OPCML: variants seen among roughly 807,000 people sequenced by gnomAD.
OPCML encodes the protein opioid binding protein/cell adhesion molecule like.
A neutral mutation model predicts 37.8 loss-of-function variants in OPCML; 13 were observed. The observed-to-expected ratio is 0.34, with a 90% CI of 0.22 to 0.55. OPCML has a LOEUF of 0.55. Among genes scored for constraint, OPCML ranks in the 20% least tolerant of loss-of-function variants. The pLI, the probability that OPCML is intolerant of heterozygous loss-of-function variation, is 0.91. For synonymous variants in OPCML, 176 were observed against 168.8 expected (o/e 1.04, Z -0.33); for missense variants, 341 against 435.6 (o/e 0.78, Z 1.93).
At chr11:132,833,644 G>A (rs547489638) in intron 2 of OPCML, among the ~76,000 whole-genome samples, 2 of 152,298 alleles carry the variant, frequency 1.3e-5, no homozygotes, top group East Asian at 3.9e-4. Flanking sequence ...TCATAAGACT[G>A]GCAGCACAGT....
At chr11:132,508,365 G>A (rs1454217442) in intron 4 of OPCML, among the ~76,000 whole-genome samples, 1 of 152,164 alleles carries the variant, frequency 6.6e-6, no homozygotes, top group South Asian at 2.1e-4. Flanking sequence ...GTATGAGTAT[G>A]TCATGACCAC....
intron 4 of OPCML, among the ~76,000 whole-genome samples, chr11:132,458,347 C>T (rs897571987): frequency 3.3e-5 from 5 of 152,096 alleles, no homozygotes; most frequent in African/African-American, 4.8e-5. Context: ...GTGAACACAC[C>T]CCTGACTAGG....
At chr11:133,033,835 T>C (rs1234317536) in intron 1 of OPCML, among the ~76,000 whole-genome samples, 1 of 152,164 alleles carries the variant, frequency 6.6e-6, no homozygotes, top group African/African-American at 2.4e-5. Flanking sequence ...TGGTCACGGG[T>C]ATCAACTCAC....
chr11:132,520,918 G>T (rs975753653), intron 4 of OPCML, among the ~76,000 whole-genome samples: 1 of 152,116 alleles, frequency 6.6e-6, no homozygotes, highest in African/African-American at 2.4e-5. Context: ...TAATGAGATT[G>T]CTGGGTCAAA....
chr11:132,688,316 G>A (rs1380328018), intron 2 of OPCML, among the ~76,000 whole-genome samples: 2 of 152,084 alleles, frequency 1.3e-5, no homozygotes, highest in Non-Finnish European at 2.9e-5. Context: ...CATGCTCTTT[G>A]AACCGGCAGT....
At chr11:132,625,328 T>G (rs1304973133) in intron 3 of OPCML, among the ~76,000 whole-genome samples, 3 of 152,098 alleles carry the variant, frequency 2.0e-5, no homozygotes, top group Non-Finnish European at 4.4e-5. Context: ...GAGAGGGGTG[T>G]TGTGAAGAGG....
intron 4 of OPCML, among the ~76,000 whole-genome samples, chr11:132,450,400 G>A (rs1404072366): frequency 6.6e-6 from 1 of 152,140 alleles, no homozygotes; most frequent in Non-Finnish European, 1.5e-5. Context: ...AGGTAGTTTG[G>A]AAGAGGCTGC....
In OPCML at chr11:132,937,605, T is replaced by G. The variant is rs867504851; in HGVS notation, c.146+5321A>C. Among the ~76,000 whole-genome samples, 849 of 125,664 alleles carry G rather than the reference T, an allele frequency of 6.8e-3. 15 individuals are homozygous for G. The highest frequency in any genetic ancestry group is 0.045 in the East Asian group (205 of 4,524). The allele number at this position is 125,664 out of a possible 152,430, so 82.4% of individuals were successfully genotyped here. A position where few individuals can be genotyped will look rare whatever the true frequency, so the allele number is the denominator to read the frequency against. On this transcript the variant is annotated intron_variant, in intron 2 of 7. Coordinates refer to ENST00000524381, the MANE Select transcript of OPCML (RefSeq NM_001012393.5). Reference sequence around the variant, plus strand: ...GTGTGGCGTGTGTGGGGTGTGTGTGTGTGTGTGTGTGTGTGTGTGTGTGTG... The same window carrying G: ...GTGTGGCGTGTGTGGGGTGTGTGTGGGTGTGTGTGTGTGTGTGTGTGTGTG...
intron 1 of OPCML, among the ~76,000 whole-genome samples, chr11:133,263,155 T>C (rs1021953112): frequency 6.6e-6 from 1 of 152,044 alleles, no homozygotes; most frequent in Admixed American, 6.6e-5. Flanking sequence ...GAACCCTCAT[T>C]TTTTTCTCTT....
intron 2 of OPCML, among the ~76,000 whole-genome samples, chr11:132,797,552 G>A (rs550781384): frequency 2.2e-4 from 34 of 152,114 alleles, no homozygotes; most frequent in South Asian, 6.2e-4. Flanking sequence ...AAACATTTCC[G>A]TTTTCCAGTG....
At chr11:133,441,053 CTA>C (rs1326708686) in intron 1 of OPCML, among the ~76,000 whole-genome samples, 4 of 151,508 alleles carry the variant, frequency 2.6e-5, no homozygotes, top group Non-Finnish European at 5.9e-5. Context: ...GAATAAGACA[CTA>C]TTAAAATAAG....
chr11:133,021,313 A>G (rs1947445735), intron 1 of OPCML, among the ~76,000 whole-genome samples: 1 of 152,170 alleles, frequency 6.6e-6, no homozygotes, highest in South Asian at 2.1e-4. Context: ...CCAGACAGGA[A>G]AGAAACTTGT....
intron 1 of OPCML, among the ~76,000 whole-genome samples, chr11:133,290,385 G>A (rs1030346382): frequency 2.6e-5 from 4 of 152,212 alleles, no homozygotes; most frequent in African/African-American, 9.7e-5. Context: ...TGAGCCCTGA[G>A]GTGACTTTGA....
chr11:133,359,558 T>G (rs1944368642), intron 1 of OPCML, among the ~76,000 whole-genome samples: 1 of 152,198 alleles, frequency 6.6e-6, no homozygotes. Flanking sequence ...GTCCCCACCC[T>G]TATTTGACCG....
intron 2 of OPCML, among the ~76,000 whole-genome samples, chr11:132,846,751 C>G (rs1941558184): frequency 6.6e-6 from 1 of 152,154 alleles, no homozygotes; most frequent in South Asian, 2.1e-4. Context: ...AAGGATAAGA[C>G]TCCCAACATG....
At chr11:133,082,813 G>A (rs1017922916) in intron 1 of OPCML, among the ~76,000 whole-genome samples, 3 of 148,604 alleles carry the variant, frequency 2.0e-5, no homozygotes, top group African/African-American at 4.9e-5. Flanking sequence ...GGCCCGGGCG[G>A]GGCCCACCAA....
intron 2 of OPCML, among the ~76,000 whole-genome samples, chr11:132,820,770 C>A (rs1298289922): frequency 1.3e-5 from 2 of 152,266 alleles, no homozygotes; most frequent in East Asian, 3.9e-4. Context: ...AAGCTTCCCC[C>A]AAACCACAGT....
intron 1 of OPCML, among the ~76,000 whole-genome samples, chr11:133,437,264 C>A (rs1337746332): frequency 6.6e-6 from 1 of 152,122 alleles, no homozygotes; most frequent in Non-Finnish European, 1.5e-5. Flanking sequence ...GTTCTGCCTG[C>A]CACAGACGGA....
intron 1 of OPCML, among the ~76,000 whole-genome samples, chr11:133,517,108 G>A (rs921575213): frequency 6.6e-6 from 1 of 152,214 alleles, no homozygotes; most frequent in Non-Finnish European, 1.5e-5. Flanking sequence ...TCCCAGTCAC[G>A]TGGCACGACT....
Sources: allele counts gnomAD v4.1 joint callset (sites outside exome capture counted in the v4.1 genomes callset), GRCh38; gene constraint gnomAD v4.1.1; transcripts MANE v1.5; gene names NCBI Gene and HGNC (gene_info 2026-07-23, HGNC 2026-07-21).